CD38: variants seen among roughly 807,000 people sequenced by gnomAD.
The protein encoded by CD38 is CD38 molecule, also known as ADP-ribosyl cyclase/cyclic ADP-ribose hydrolase 1.
Under a neutral mutation model 36.3 loss-of-function variants are expected in CD38, and 31 were observed. The ratio of observed to expected loss-of-function variants is 0.85; its 90% CI spans 0.64 to 1.15. The LOEUF is 1.15. Among genes scored for constraint, CD38 ranks in the 50% most tolerant of loss-of-function variants. The pLI, the probability that CD38 is intolerant of heterozygous loss-of-function variation, is 0.00. For missense variants in CD38, 380 were observed against 371.9 expected, an observed-to-expected ratio of 1.02 and a Z score of -0.18; for synonymous variants, 131 against 135.2, an observed-to-expected ratio of 0.97 and a Z score of 0.22.
intron 3 of CD38, among the ~76,000 whole-genome samples, chr4:15,829,837 C>T (rs1382902539): frequency 6.6e-6 from 1 of 152,160 alleles, no homozygotes; most frequent in Non-Finnish European, 1.5e-5. Flanking sequence ...GTGAGAACAT[C>T]CTATGTTTAT....
chr4:15,831,568 C>CT lies in CD38; in HGVS notation c.500-2639dup, dbSNP rs148433334. Among the ~76,000 whole-genome samples, 717 of 149,300 alleles carry CT rather than the reference C, an allele frequency of 4.8e-3. 1 individual carries two copies. Among genetic ancestry groups the CT allele is most frequent in the Non-Finnish European group, 7.2e-3 (481 of 66,988 alleles). ...CAGATATACTATTCTAGAGTAAAAA[C>CT]TTTTTTTTTTGTCTTTCAGCACTTC... On this transcript the variant is annotated intron_variant, in intron 3 of 7. Transcript: ENST00000226279.
intron 2 of CD38, 30 bp downstream of exon 2, chr4:15,816,670 A>C: frequency 6.2e-7 from 1 of 1,611,762 alleles, no homozygotes; most frequent in South Asian, 1.1e-5. Flanking sequence ...TGATTTTAAA[A>C]CTGGGGATAA....
At chr4:15,805,893 G>A (rs1233783090) in intron 1 of CD38, among the ~76,000 whole-genome samples, 1 of 152,158 alleles carries the variant, frequency 6.6e-6, no homozygotes, top group Admixed American at 6.6e-5. Flanking sequence ...AGCCCAGACA[G>A]CCTGCCCTAT....
rs956982033 is a variant in CD38 at position 15,835,540 on chromosome 4, G to T, written c.585+1238G>T. Among the ~76,000 whole-genome samples, 4 of 151,838 alleles carry T rather than the reference G, an allele frequency of 2.6e-5. No individual in the cohort carries two copies. In the South Asian group the frequency reaches 6.3e-4, roughly 24 times the overall value. On this transcript the variant is annotated intron_variant, in intron 4 of 7. Transcript: ENST00000226279. ...CTGCAGGTGTGGGCCACTATGCCCG[G>T]CTAATTTTTGTATTTTCAGTAGAGA...
intron 1 of CD38, among the ~76,000 whole-genome samples, chr4:15,801,670 T>C (rs1000267299): frequency 2.6e-5 from 4 of 152,036 alleles, no homozygotes; most frequent in African/African-American, 9.7e-5. Context: ...ATACATCCCA[T>C]CAACGGAATG....
chr4:15,848,702 G>A lies in CD38; in HGVS notation c.*100G>A. ...TGGTGCAGAGCTGAAGATTTTGGAGGGTCCTCCACAATAAGGTCAATGCCA... is the reference window on the plus strand; with the variant it reads ...TGGTGCAGAGCTGAAGATTTTGGAGAGTCCTCCACAATAAGGTCAATGCCA... On this transcript the variant is annotated 3_prime_UTR_variant, in exon 8 of 8. Coordinates refer to ENST00000226279, the MANE Select transcript of CD38 (RefSeq NM_001775.4). 1 of 922,580 alleles carries A rather than the reference G, an allele frequency of 1.1e-6. No homozygotes were observed. Among genetic ancestry groups the A allele is most frequent in the South Asian group, 1.5e-5 (1 of 64,914 alleles). 57.1% of individuals were successfully genotyped at this position (922,580 alleles called of 1,614,324 possible).
chr4:15,797,387 A>G (rs1382075704), intron 1 of CD38, among the ~76,000 whole-genome samples: 1 of 152,162 alleles, frequency 6.6e-6, no homozygotes, highest in Non-Finnish European at 1.5e-5. Flanking sequence ...TTAGTCTGTT[A>G]TCTTTTTTGT....
At chr4:15,802,118 A>G (rs1195305739) in intron 1 of CD38, among the ~76,000 whole-genome samples, 1 of 152,160 alleles carries the variant, frequency 6.6e-6, no homozygotes, top group African/African-American at 2.4e-5. Context: ...CAAAATCAAC[A>G]TACAAAAATC....
intron 1 of CD38, among the ~76,000 whole-genome samples, chr4:15,808,175 A>G (rs1400570823): frequency 6.6e-6 from 1 of 152,170 alleles, no homozygotes; most frequent in Non-Finnish European, 1.5e-5. Flanking sequence ...TTAAGGATGC[A>G]AGGAAGTGTT....
chr4:15,830,365 T>G (rs1375533906), intron 3 of CD38, among the ~76,000 whole-genome samples: 1 of 152,254 alleles, frequency 6.6e-6, no homozygotes, highest in Non-Finnish European at 1.5e-5. Flanking sequence ...CATTTTCATA[T>G]GCCTGTTTGC....
chr4:15,841,233 T>C (rs1449211699), intron 7 of CD38, among the ~76,000 whole-genome samples: 1 of 152,136 alleles, frequency 6.6e-6, no homozygotes, highest in Non-Finnish European at 1.5e-5. Context: ...TCTTTGGAGA[T>C]TTTTCCACGT....
At position 15,848,688 on chromosome 4, in the gene CD38, TG is replaced by T. The variant is rs1354357789; in HGVS notation, c.*87del. On this transcript the variant is annotated 3_prime_UTR_variant, in exon 8 of 8. Transcript: ENST00000226279. Reference sequence around the variant, plus strand: ...CTCAGCATACCTGCTGGTGCAGAGCTGAAGATTTTGGAGGGTCCTCCACAAT... The same window carrying T: ...CTCAGCATACCTGCTGGTGCAGAGCTAAGATTTTGGAGGGTCCTCCACAAT... The T allele has an allele frequency of 6.2e-6, 7 of 1,134,014 alleles. No individual in the cohort carries two copies. In the Admixed American group the frequency reaches 1.3e-4, roughly 21 times the overall value. The allele number at this position is 1,134,014 out of a possible 1,614,324, so 70.2% of individuals were successfully genotyped here. A position where few individuals can be genotyped will look rare whatever the true frequency, so the allele number is the denominator to read the frequency against.
At chr4:15,822,070 A>G (rs189144495) in intron 2 of CD38, among the ~76,000 whole-genome samples, 6 of 152,350 alleles carry the variant, frequency 3.9e-5, no homozygotes, top group Admixed American at 2.0e-4. Context: ...TTCATTACAT[A>G]AAGAGAACTA....
At chr4:15,798,186 GAGCCTGGCCACTTT>G (rs1252180175) in intron 1 of CD38, among the ~76,000 whole-genome samples, 1 of 152,180 alleles carries the variant, frequency 6.6e-6, no homozygotes, top group South Asian at 2.1e-4. Context: ...ATGAGCCACA[GAGCCTGGCCACTTT>G]AAAATGTTGT....
rs1464446031 is a variant in CD38, at chr4:15,828,516, A to G, written c.499+3500A>G. Among the ~76,000 whole-genome samples, 5 of 152,130 alleles carry G rather than the reference A, an allele frequency of 3.3e-5. No individual in the cohort carries two copies. In the East Asian group the frequency reaches 9.7e-4, roughly 29 times the overall value. On this transcript the variant is annotated intron_variant, in intron 3 of 7. Transcript: ENST00000226279. ...TTCTGGTCTCTGTATCCACCATTCT[A>G]TTATCTGCTTCTATGAACTTGATTG...
At chr4:15,816,429 T>G (rs1723595751) in intron 1 of CD38, 82 bp from the exon 2 acceptor site, 2 of 1,216,938 alleles carry the variant, frequency 1.6e-6, no homozygotes, top group South Asian at 1.5e-5. Context: ...GCTTCCTAAA[T>G]AAGATTCTAA....
chr4:15,813,692 C>T (rs1335974116), intron 1 of CD38, among the ~76,000 whole-genome samples: 1 of 152,008 alleles, frequency 6.6e-6, no homozygotes, highest in African/African-American at 2.4e-5. Flanking sequence ...AGTGAGAAGA[C>T]GTGGTGTCTG....
intron 1 of CD38, among the ~76,000 whole-genome samples, chr4:15,798,256 G>A (rs1002462608): frequency 5.9e-5 from 9 of 152,126 alleles, no homozygotes; most frequent in African/African-American, 1.9e-4. Context: ...TCATAGGATC[G>A]GTTCAGCAGC....
chr4:15,809,365 C>T (rs951536532), intron 1 of CD38, among the ~76,000 whole-genome samples: 11 of 152,162 alleles, frequency 7.2e-5, no homozygotes, highest in African/African-American at 2.2e-4. Flanking sequence ...AGCTGTGTGA[C>T]CTCGGGCTAG....
Sources: gnomAD v4.1 joint callset for allele counts (sites outside exome capture counted in the v4.1 genomes callset) on GRCh38, gnomAD v4.1.1 for gene constraint, MANE v1.5 for transcripts, NCBI Gene and HGNC (gene_info 2026-07-23, HGNC 2026-07-21) for gene names.